Variants in TAPT1 observed in about 807,000 individuals in gnomAD.
The protein encoded by TAPT1 is transmembrane anterior posterior transformation 1.
In TAPT1, 28 loss-of-function variants were observed where a neutral mutation model predicts 65.6. The observed-to-expected ratio is 0.43, with a 90% CI of 0.32 to 0.59. The LOEUF is 0.59. Among genes scored for constraint, TAPT1 ranks in the 20% least tolerant of loss-of-function variants. The pLI is 0.09. For missense variants in TAPT1, 563 were observed against 679.9 expected (o/e 0.83, Z 1.91); for synonymous variants, 278 against 245.2 (o/e 1.13, Z -1.25).
chr4:16,215,698 T>G (rs985761733), intron 1 of TAPT1, among the ~76,000 whole-genome samples: 1 of 152,224 alleles, frequency 6.6e-6, no homozygotes, highest in African/African-American at 2.4e-5. Flanking sequence ...TCACATGGGT[T>G]AAGTGCACGC....
intron 2 of TAPT1, among the ~76,000 whole-genome samples, chr4:16,206,709 T>C (rs991289099): frequency 2.6e-5 from 4 of 152,034 alleles, no homozygotes; most frequent in African/African-American, 9.7e-5. Flanking sequence ...CAGCCTGACA[T>C]AGGACAATGG....
intron 1 of TAPT1, chr4:16,214,478 A>T (rs537756986): frequency 6.6e-6 from 1 of 152,366 alleles, no homozygotes; most frequent in East Asian, 1.9e-4. Flanking sequence ...ACCGGATCAG[A>T]AAAACCTCCC....
At chr4:16,165,967 G>C (rs931244791) in intron 13 of TAPT1, among the ~76,000 whole-genome samples, 1 of 152,130 alleles carries the variant, frequency 6.6e-6, no homozygotes. Context: ...TCAAAGCCCC[G>C]CAACAGCCCC....
intron 3 of TAPT1, chr4:16,196,854 A>T (rs1245084316): frequency 4.4e-6 from 2 of 456,308 alleles, no homozygotes; most frequent in African/African-American, 4.0e-5. Context: ...TATTGCTCTC[A>T]ACAAATAAGC....
chr4:16,211,944 A>G (rs982768313), intron 2 of TAPT1, among the ~76,000 whole-genome samples: 1 of 152,210 alleles, frequency 6.6e-6, no homozygotes, highest in Non-Finnish European at 1.5e-5. Flanking sequence ...CAACCATGAA[A>G]TGCTTATTAG....
chr4:16,224,922 T>G (rs1256277089), intron 1 of TAPT1, among the ~76,000 whole-genome samples: 1 of 152,224 alleles, frequency 6.6e-6, no homozygotes, highest in Admixed American at 6.5e-5. Flanking sequence ...GAGAAATGTT[T>G]TAAAGAAAGT....
At chr4:16,167,641 C>G (rs1351080602) in intron 12 of TAPT1, among the ~76,000 whole-genome samples, 1 of 152,124 alleles carries the variant, frequency 6.6e-6, no homozygotes, top group African/African-American at 2.4e-5. Flanking sequence ...CCTGTGTGCA[C>G]CTGGGCAAGC....
At chr4:16,217,913 CCT>C in intron 1 of TAPT1, among the ~76,000 whole-genome samples, 1 of 152,246 alleles carries the variant, frequency 6.6e-6, no homozygotes, top group East Asian at 1.9e-4. Flanking sequence ...CCTCAAACCC[CCT>C]GAGGGAACAG....
At chr4:16,174,939 C>T in intron 9 of TAPT1, 2 of 392,406 alleles carry the variant, frequency 5.1e-6, no homozygotes, top group Admixed American at 4.3e-5. Context: ...ATTCATAGAT[C>T]TTCTAAAGGT....
intron 11 of TAPT1, among the ~76,000 whole-genome samples, chr4:16,171,898 T>G (rs981247157): frequency 4.6e-5 from 7 of 152,214 alleles, no homozygotes; most frequent in African/African-American, 1.4e-4. Flanking sequence ...TTCTTCCTTT[T>G]TTCGGATATA....
At chr4:16,206,503 C>T (rs1750353265) in intron 2 of TAPT1, among the ~76,000 whole-genome samples, 1 of 151,948 alleles carries the variant, frequency 6.6e-6, no homozygotes, top group African/African-American at 2.4e-5. Flanking sequence ...GGAGTGCCCT[C>T]AGGGTCCCAG....
intron 3 of TAPT1, chr4:16,196,806 T>TA: frequency 9.2e-6 from 6 of 651,118 alleles, no homozygotes; most frequent in South Asian, 8.8e-5. Flanking sequence ...AACGGGACAA[T>TA]AAAACCTGGT....
At chr4:16,216,524 C>T (rs530004835) in intron 1 of TAPT1, among the ~76,000 whole-genome samples, 10 of 152,258 alleles carry the variant, frequency 6.6e-5, no homozygotes, top group African/African-American at 1.7e-4. Context: ...ACCTAAAAAA[C>T]GAAACCAGTA....
At chr4:16,225,864 A>G (rs899778397) in intron 1 of TAPT1, 23 of 985,368 alleles carry the variant, frequency 2.3e-5, no homozygotes, top group Non-Finnish European at 2.8e-5. Context: ...TACAGAACAA[A>G]AAAAGTCACC....
chr4:16,224,309 A>G (rs1451788740), intron 1 of TAPT1, among the ~76,000 whole-genome samples: 1 of 152,194 alleles, frequency 6.6e-6, no homozygotes, highest in Non-Finnish European at 1.5e-5. Flanking sequence ...CAGCCTGGGC[A>G]TTGAAGAAGG....
At chr4:16,180,565 C>T (rs962169836) in intron 7 of TAPT1, among the ~76,000 whole-genome samples, 1 of 152,164 alleles carries the variant, frequency 6.6e-6, no homozygotes, top group Non-Finnish European at 1.5e-5. Context: ...AGCCATGGCG[C>T]ACCTCCTGTA....
At chr4:16,178,473 C>T (rs887395946) in intron 8 of TAPT1, among the ~76,000 whole-genome samples, 2 of 152,118 alleles carry the variant, frequency 1.3e-5, no homozygotes, top group African/African-American at 4.8e-5. Flanking sequence ...TGGTTGCATC[C>T]TTTAAGAATG....
intron 2 of TAPT1, among the ~76,000 whole-genome samples, chr4:16,209,099 A>C (rs1750511197): frequency 6.6e-6 from 1 of 151,444 alleles, no homozygotes; most frequent in African/African-American, 2.4e-5. Flanking sequence ...CTTTCTTTCC[A>C]GCATGTGTCG....
chr4:16,171,122 C>G (rs11939278), intron 11 of TAPT1, among the ~76,000 whole-genome samples: 2,017 of 152,306 alleles, frequency 0.013, 63 homozygotes, highest in African/African-American at 0.046. Flanking sequence ...CTACACGTGT[C>G]CACACCAAAG....
Sources: allele counts gnomAD v4.1 joint callset (sites outside exome capture counted in the v4.1 genomes callset), GRCh38; gene constraint gnomAD v4.1.1; transcripts MANE v1.5; gene names NCBI Gene and HGNC (gene_info 2026-07-23, HGNC 2026-07-21).